CACNG2: variants seen among roughly 807,000 people sequenced by gnomAD.
CACNG2 encodes voltage-dependent calcium channel gamma-2 subunit.
A neutral mutation model predicts 25.9 loss-of-function variants in CACNG2; 3 were observed. The ratio of observed to expected loss-of-function variants is 0.12; its 90% CI spans 0.05 to 0.30. The LOEUF is 0.30. Ranked by LOEUF, CACNG2 falls within the 10% of genes least tolerant of loss-of-function variation. The pLI, the probability that CACNG2 is intolerant of heterozygous loss-of-function variation, is 1.00. For synonymous variants in CACNG2, 167 were observed against 173.3 expected (o/e 0.96, Z 0.29); for missense variants, 341 against 432.5 (o/e 0.79, Z 1.88).
At chr22:36,672,902 G>A (rs1287801971) in intron 1 of CACNG2, among the ~76,000 whole-genome samples, 1 of 152,228 alleles carries the variant, frequency 6.6e-6, no homozygotes, top group African/African-American at 2.4e-5. Context: ...CAGGCACAGG[G>A]CTGGGCCCAT....
rs138425596 is a variant in CACNG2 at position 36,629,982 on chromosome 22, G to C, written c.212-42434C>G. 7.6e-4 allele frequency among the ~76,000 whole-genome samples: 116 copies of C among 152,282 alleles called. 1 individual carries two copies. The highest frequency in any genetic ancestry group is 1.1e-3 in the Non-Finnish European group (72 of 68,012). Reference sequence around the variant, plus strand: ...TCTCAGAGAAATCACCTTCCATGCTGCCCCCTGCATCAGTCATGCAAAGCC... The same window carrying C: ...TCTCAGAGAAATCACCTTCCATGCTCCCCCCTGCATCAGTCATGCAAAGCC... On this transcript the variant is annotated intron_variant, in intron 1 of 3. Transcript: ENST00000300105.
At position 36,606,635 on chromosome 22, in the gene CACNG2, A is replaced by G. The variant is rs1227518831; in HGVS notation, c.212-19087T>C. Among the ~76,000 whole-genome samples the G allele has an allele frequency of 6.6e-6, 1 of 152,078 alleles. No individual in the cohort carries two copies. Among genetic ancestry groups the G allele is most frequent in the Non-Finnish European group, 1.5e-5 (1 of 67,996 alleles). The stretch of plus-strand genomic sequence containing the variant: ...CCGTGAAGGATAAGTAAAAATTGGC[A>G]GATGAAAGGGAGGGCAGGGAGGTGT... On this transcript the variant is annotated intron_variant, in intron 1 of 3. Transcript: ENST00000300105. The surrounding 1 kb of genome is among the most constrained non-coding windows in gnomAD (Gnocchi z 5.7).
chr22:36,642,159 G>A (rs1410942136), intron 1 of CACNG2, among the ~76,000 whole-genome samples: 1 of 152,204 alleles, frequency 6.6e-6, no homozygotes, highest in East Asian at 1.9e-4. Flanking sequence ...CTCGAGGGGA[G>A]GAGGTTGGGG....
At chr22:36,631,119 G>A (rs966504697) in intron 1 of CACNG2, among the ~76,000 whole-genome samples, 1 of 152,238 alleles carries the variant, frequency 6.6e-6, no homozygotes. Flanking sequence ...GTGAGCCACC[G>A]TACCCGGCCC....
At chr22:36,590,990 G>A (rs1343281244) in intron 1 of CACNG2, among the ~76,000 whole-genome samples, 2 of 152,062 alleles carry the variant, frequency 1.3e-5, no homozygotes, top group East Asian at 3.8e-4. Flanking sequence ...TGCTACTGGG[G>A]TGTCCTCCAC....
At chr22:36,570,249 A>G (rs1464590731) in intron 2 of CACNG2, among the ~76,000 whole-genome samples, 1 of 152,202 alleles carries the variant, frequency 6.6e-6, no homozygotes, top group Non-Finnish European at 1.5e-5. Flanking sequence ...ATGTGTGGAC[A>G]AGATGGAGGG....
intron 2 of CACNG2, among the ~76,000 whole-genome samples, chr22:36,572,456 C>A (rs1358805510): frequency 1.3e-5 from 2 of 152,298 alleles, no homozygotes; most frequent in Admixed American, 6.5e-5. Flanking sequence ...TACAAAATCA[C>A]TTTGGGAGGC....
At chr22:36,582,894 A>G (rs1460981256) in intron 2 of CACNG2, among the ~76,000 whole-genome samples, 1 of 152,006 alleles carries the variant, frequency 6.6e-6, no homozygotes, top group African/African-American at 2.4e-5. Context: ...CCTGGCATAC[A>G]GGGGGGCCCA....
chr22:36,655,446 C>T (rs930900609), intron 1 of CACNG2, among the ~76,000 whole-genome samples: 3 of 152,182 alleles, frequency 2.0e-5, no homozygotes, highest in Admixed American at 6.5e-5. Context: ...TTAGTACTTA[C>T]CACTCTGTAT....
At chr22:36,594,727 G>A (rs770420172) in intron 1 of CACNG2, among the ~76,000 whole-genome samples, 15 of 151,760 alleles carry the variant, frequency 9.9e-5, no homozygotes, top group Non-Finnish European at 2.2e-4. Flanking sequence ...ATGTGTGTGT[G>A]TCTGTGTGTG....
At chr22:36,693,444 G>A (rs1821406610) in intron 1 of CACNG2, among the ~76,000 whole-genome samples, 1 of 152,084 alleles carries the variant, frequency 6.6e-6, no homozygotes, top group African/African-American at 2.4e-5. Flanking sequence ...CTTCTCACCT[G>A]CTCAGCAAGT....
chr22:36,606,833 G>A lies in CACNG2; in HGVS notation c.212-19285C>T, dbSNP rs1327649312. On this transcript the variant is annotated intron_variant, in intron 1 of 3. Coordinates refer to ENST00000300105, the MANE Select transcript of CACNG2 (RefSeq NM_006078.5). This position sits in a 1 kb window ranked among gnomAD's most constrained non-coding sequence, Gnocchi z 5.7. ...GTCTGTGTGATGTGTGTGTCTGTGG[G>A]TCTCTGTGTGTGTGTATGTATGTGT... is the stretch of plus-strand genomic sequence containing the variant. Among the ~76,000 whole-genome samples the A allele has an allele frequency of 6.7e-6, 1 of 148,162 alleles. No individual in the cohort carries two copies. The highest frequency in any genetic ancestry group is 6.6e-5 in the Admixed American group (1 of 15,086).
intron 1 of CACNG2, among the ~76,000 whole-genome samples, chr22:36,654,021 T>C (rs1208462815): frequency 2.0e-5 from 3 of 150,406 alleles, no homozygotes; most frequent in Non-Finnish European, 3.0e-5. Flanking sequence ...TGTTTATGTA[T>C]GTGCGCATTT....
Position 36,648,336 on chromosome 22 carries a change from C to T in CACNG2, c.211+54030G>A, listed in dbSNP as rs1423341912. Among the ~76,000 whole-genome samples the T allele has an allele frequency of 4.6e-5, 7 of 152,340 alleles. No homozygotes were observed. The East Asian group carries it at 9.6e-4, about 21-fold the overall frequency. Reference sequence around the variant, plus strand: ...AATTAAGCAACAGAAAGAGTAATATCGTATACTGCCAATTCTTTATCAGTG... The same window carrying T: ...AATTAAGCAACAGAAAGAGTAATATTGTATACTGCCAATTCTTTATCAGTG... On this transcript the variant is annotated intron_variant, in intron 1 of 3. Transcript: ENST00000300105.
intron 1 of CACNG2, among the ~76,000 whole-genome samples, chr22:36,630,824 T>C (rs573141958): frequency 3.2e-4 from 48 of 152,016 alleles, no homozygotes; most frequent in African/African-American, 1.1e-3. Context: ...TGTGGACAGA[T>C]TCTTGAGCTA....
At chr22:36,673,716 G>A (rs1034581554) in intron 1 of CACNG2, among the ~76,000 whole-genome samples, 1 of 152,088 alleles carries the variant, frequency 6.6e-6, no homozygotes. Context: ...GAGGGGCTTC[G>A]GCCTCTCTCT....
At chr22:36,590,429 G>A (rs1269237973) in intron 1 of CACNG2, among the ~76,000 whole-genome samples, 3 of 152,116 alleles carry the variant, frequency 2.0e-5, no homozygotes, top group East Asian at 1.9e-4. Flanking sequence ...TTAGCTTGGC[G>A]AATGCTTCTC....
At chr22:36,659,212 C>G (rs1936751883) in intron 1 of CACNG2, among the ~76,000 whole-genome samples, 1 of 152,068 alleles carries the variant, frequency 6.6e-6, no homozygotes, top group Admixed American at 6.5e-5. Context: ...GGGGCTCTGT[C>G]CTCTTGTGGG....
At chr22:36,592,032 T>G (rs986495145) in intron 1 of CACNG2, among the ~76,000 whole-genome samples, 1 of 151,914 alleles carries the variant, frequency 6.6e-6, no homozygotes, top group African/African-American at 2.4e-5. Flanking sequence ...TGAAGGTCAC[T>G]TCTGAGATTC....
Sources: allele counts gnomAD v4.1 joint callset (sites outside exome capture counted in the v4.1 genomes callset), GRCh38; gene constraint gnomAD v4.1.1; non-coding constraint Gnocchi (gnomAD v3.1); transcripts MANE v1.5; gene names NCBI Gene and HGNC (gene_info 2026-07-23, HGNC 2026-07-21).